Variants in GCN1 observed in about 807,000 individuals in gnomAD.
GCN1 encodes the protein GCN1 activator of EIF2AK4, also known as stalled ribosome sensor GCN1.
In GCN1, 90 loss-of-function variants were observed where a neutral mutation model predicts 288.4. The observed-to-expected ratio is 0.31, with a 90% CI of 0.26 to 0.37. GCN1 has a LOEUF of 0.37. Ranked by LOEUF, GCN1 falls within the 10% of genes least tolerant of loss-of-function variation. GCN1 has a pLI of 1.00. For missense variants in GCN1, 2,586 were observed against 3,419.9 expected, an observed-to-expected ratio of 0.76 and a Z score of 6.08; for synonymous variants, 1,386 against 1,420.2, an observed-to-expected ratio of 0.98 and a Z score of 0.54.
In GCN1 at chr12:120,177,539, A is replaced by G; in HGVS notation, c.746T>C (p.Leu249Pro). ...TTCTGAGTGGGACAGGTATCGGAGC[A>G]GAGGGGCACAGCTATCCTACAAAGA... ...PKYLLDSCAPLLRYLSHSEFK... is the reference protein window; with the variant it reads ...PKYLLDSCAPPLRYLSHSEFK... The change falls in exon 9 of 58, where the codon CTG (leucine) becomes CCG (proline). Residue 249 changes from leucine to proline, a missense_variant. Coordinates refer to ENST00000300648, the MANE Select transcript of GCN1 (RefSeq NM_006836.2). 6.2e-7 allele frequency: 1 copy of G among 1,608,978 alleles called. No homozygotes were observed. The highest frequency in any genetic ancestry group is 8.5e-7 in the Non-Finnish European group (1 of 1,175,296).
chr12:120,167,432 A>T (rs77759299), intron 16 of GCN1, among the ~76,000 whole-genome samples: 1 of 152,210 alleles, frequency 6.6e-6, no homozygotes, highest in East Asian at 1.9e-4. Context: ...AAAGCACAGT[A>T]CATACGGCAG....
At chr12:120,178,440 T>C (rs1878546680) in intron 7 of GCN1, among the ~76,000 whole-genome samples, 185 bp downstream of exon 7, 1 of 152,240 alleles carries the variant, frequency 6.6e-6, no homozygotes, top group Admixed American at 6.5e-5. Flanking sequence ...AGGGAAACTT[T>C]CCAGCTCCTA....
chr12:120,169,189 G>A (rs1165469918), intron 15 of GCN1, among the ~76,000 whole-genome samples: 16 of 150,386 alleles, frequency 1.1e-4, no homozygotes, highest in Admixed American at 8.0e-4. Context: ...CCAGCCACTC[G>A]GAAGGCTGAG....
chr12:120,185,028 C>A, intron 2 of GCN1, 141 bp from the exon 3 acceptor site: 3 of 647,818 alleles, frequency 4.6e-6, no homozygotes, highest in South Asian at 3.5e-5. Context: ...GAGGAAAAAG[C>A]AACAACAAAA....
intron 34 of GCN1, 101 bp from the exon 35 acceptor site, chr12:120,150,144 C>CT: frequency 8.6e-7 from 1 of 1,168,188 alleles, no homozygotes; most frequent in African/African-American, 1.5e-5. Context: ...TCCCACCCCT[C>CT]TGGAAACACT....
At chr12:120,157,729 G>T in intron 26 of GCN1, 120 bp downstream of exon 26, 2 of 792,646 alleles carry the variant, frequency 2.5e-6, no homozygotes, top group Non-Finnish European at 4.0e-6. Flanking sequence ...GGCTGCTGTT[G>T]GTATAAACAT....
chr12:120,188,408 T>G (rs1878889387), intron 2 of GCN1, among the ~76,000 whole-genome samples: 1 of 131,200 alleles, frequency 7.6e-6, no homozygotes, highest in African/African-American at 2.9e-5. Flanking sequence ...CACTCCAGCC[T>G]GGGTGACAGA....
At chr12:120,152,623 CCA>C (rs968383369) in intron 33 of GCN1, among the ~76,000 whole-genome samples, 3 of 126,184 alleles carry the variant, frequency 2.4e-5, no homozygotes, top group Non-Finnish European at 3.3e-5. Flanking sequence ...AAAATGCAAA[CCA>C]CACACACACG....
intron 34 of GCN1, among the ~76,000 whole-genome samples, chr12:120,150,468 A>T (rs1877506083): frequency 6.6e-6 from 1 of 151,708 alleles, no homozygotes; most frequent in African/African-American, 2.4e-5. Flanking sequence ...GGTGGTGGGC[A>T]CCTGTAACCC....
At chr12:120,177,333 GA>G in intron 9 of GCN1, 113 bp downstream of exon 9, 3 of 632,070 alleles carry the variant, frequency 4.7e-6, no homozygotes, top group Non-Finnish European at 8.6e-6. Context: ...GGTAAACAAT[GA>G]ATACATCCCC....
In GCN1 at chr12:120,136,644, A is replaced by G. The variant is rs1211038288; in HGVS notation, c.6866T>C (p.Leu2289Ser). ...QKEEAAKALGLVIRLTSADAL... is the reference protein window; with the variant it reads ...QKEEAAKALGSVIRLTSADAL... ...GTCAGCCGAGGTCAGGCGGATTACC[A>G]AGCCTAAGGCTTTGGCTGCCTCCTC... is the stretch of plus-strand genomic sequence containing the variant. Residue 2289 changes from leucine to serine, a missense_variant, in exon 51 of 58, where the codon TTG becomes TCG. By Grantham distance (145) the Leu-to-Ser change is moderately radical. Coordinates refer to ENST00000300648, the MANE Select transcript of GCN1 (RefSeq NM_006836.2). 1 of 1,614,192 alleles carries G rather than the reference A, an allele frequency of 6.2e-7. No homozygotes were observed.
At chr12:120,130,283 A>T (rs1254918197) in intron 56 of GCN1, among the ~76,000 whole-genome samples, 2 of 152,216 alleles carry the variant, frequency 1.3e-5, no homozygotes, top group Non-Finnish European at 2.9e-5. Flanking sequence ...CCACACCAAG[A>T]AGTGCTGGGC....
chr12:120,191,810 G>A (rs1284431875), intron 1 of GCN1, among the ~76,000 whole-genome samples: 3 of 152,166 alleles, frequency 2.0e-5, no homozygotes, highest in Non-Finnish European at 4.4e-5. Context: ...CAACCCTTAG[G>A]TTGATCTGGT....
chr12:120,160,719 G>C (rs1361593145), intron 22 of GCN1, among the ~76,000 whole-genome samples: 1 of 152,188 alleles, frequency 6.6e-6, no homozygotes, highest in Non-Finnish European at 1.5e-5. Context: ...AACATTTAGT[G>C]AGCACCTGGA....
chr12:120,164,523 G>A lies in GCN1; in HGVS notation c.1689-28C>T, dbSNP rs752548145. On this transcript the variant is annotated intron_variant, in intron 17 of 57. Coordinates refer to ENST00000300648, the MANE Select transcript of GCN1 (RefSeq NM_006836.2). ...GCAAGCACAGGGACAGACAGGTCTG[G>A]GGGAAGGCCAAGAGCAGGGCTTTCC... is the stretch of plus-strand genomic sequence containing the variant. 5 of 1,611,166 alleles carry A rather than the reference G, an allele frequency of 3.1e-6. No homozygotes were observed. The South Asian group carries it at 5.5e-5, about 18-fold the overall frequency.
intron 9 of GCN1, among the ~76,000 whole-genome samples, chr12:120,177,234 A>C (rs539568523): frequency 6.6e-6 from 1 of 152,100 alleles, no homozygotes; most frequent in African/African-American, 2.4e-5. Context: ...CCGCCTCCCA[A>C]AGTGCTGGGA....
chr12:120,150,420 C>A (rs559461107), intron 34 of GCN1, among the ~76,000 whole-genome samples: 1 of 150,652 alleles, frequency 6.6e-6, no homozygotes, highest in South Asian at 2.1e-4. Flanking sequence ...CATGGTGAAA[C>A]CCTGTCTCTA....
At chr12:120,141,059 T>TG (rs1877175483) in intron 44 of GCN1, 36 bp from the exon 45 acceptor site, 1 of 1,584,642 alleles carries the variant, frequency 6.3e-7, no homozygotes, top group African/African-American at 1.3e-5. Flanking sequence ...GTAAAGTCCC[T>TG]GCAAAGCCCA....
At position 120,165,508 on chromosome 12, in the gene GCN1, C is replaced by T. The variant is rs147757302; in HGVS notation, c.1613-787G>A. ...TTTGAGACAGAGTCTCGCTATGTTG[C>T]CCAGGCTACAGTGCAGTGGTGCAGT... On this transcript the variant is annotated intron_variant, in intron 16 of 57. Coordinates refer to ENST00000300648, the MANE Select transcript of GCN1 (RefSeq NM_006836.2). 4.2e-3 allele frequency among the ~76,000 whole-genome samples: 639 copies of T among 152,026 alleles called. 5 individuals carry two copies. The highest frequency in any genetic ancestry group is 0.014 in the African/African-American group (591 of 41,464).
Sources: allele counts gnomAD v4.1 joint callset (sites outside exome capture counted in the v4.1 genomes callset), GRCh38; gene constraint gnomAD v4.1.1; transcripts MANE v1.5; gene names NCBI Gene and HGNC (gene_info 2026-07-23, HGNC 2026-07-21).